Variants in NUMBL observed in about 807,000 individuals in gnomAD.
NUMBL encodes the protein NUMB like endocytic adaptor protein, also known as numb-like protein.
NUMBL carries 20 observed loss-of-function variants against 48.9 expected under a neutral mutation model. The observed-to-expected ratio is 0.41, with a 90% CI of 0.29 to 0.59. NUMBL has a LOEUF of 0.59. Among genes scored for constraint, NUMBL ranks in the 20% least tolerant of loss-of-function variants. NUMBL has a pLI of 0.31. For missense variants in NUMBL, 660 were observed against 846.2 expected (o/e 0.78, Z 2.73); for synonymous variants, 340 against 348.7 (o/e 0.98, Z 0.28).
At chr19:40,669,113 G>A (rs567998544) in intron 9 of NUMBL, among the ~76,000 whole-genome samples, 31 of 152,170 alleles carry the variant, frequency 2.0e-4, no homozygotes, top group African/African-American at 6.7e-4. Flanking sequence ...CAATGATCCC[G>A]TATCTCTAAG....
intron 6 of NUMBL, 128 bp from the exon 7 acceptor site, chr19:40,677,549 G>A (rs2081883837): frequency 1.3e-6 from 1 of 749,662 alleles, no homozygotes; most frequent in Non-Finnish European, 2.1e-6. Context: ...CTGGGCCTCA[G>A]TGCTCATCTG....
Position 40,667,425 on chromosome 19 carries a change from C to G in NUMBL, c.*43G>C, listed in dbSNP as rs755084098. On this transcript the variant is annotated 3_prime_UTR_variant, in exon 10 of 10. Transcript: ENST00000252891. This position sits in a 1 kb window ranked among gnomAD's most constrained non-coding sequence, Gnocchi z 6.1. ...GAGAGGTTGTGCCTCCACCCCCAGG[C>G]GTGGGGCACCTGGAGATGATGGAGT... The G allele has an allele frequency of 6.3e-7, 1 of 1,587,900 alleles. No individual in the cohort carries two copies. Among genetic ancestry groups the G allele is most frequent in the Non-Finnish European group, 8.6e-7 (1 of 1,168,488 alleles).
At chr19:40,686,762 G>A in intron 2 of NUMBL, 149 bp downstream of exon 2, 1 of 621,180 alleles carries the variant, frequency 1.6e-6, no homozygotes, top group Non-Finnish European at 2.9e-6. Context: ...TGCATGAGTG[G>A]GGCTCTGACA....
intron 9 of NUMBL, among the ~76,000 whole-genome samples, chr19:40,669,681 G>A (rs978976572): frequency 3.3e-5 from 5 of 152,080 alleles, no homozygotes; most frequent in Admixed American, 6.5e-5. Flanking sequence ...CTGGCTCTAA[G>A]ATGATCCATG....
intron 9 of NUMBL, among the ~76,000 whole-genome samples, chr19:40,669,244 T>C (rs11083565): frequency 0.26 from 39,854 of 151,986 alleles, 5,418 homozygotes; most frequent in South Asian, 0.3. Flanking sequence ...GGTGATCCTA[T>C]GGCTCTAAGA....
chr19:40,671,933 T>A (rs964171942), intron 8 of NUMBL, among the ~76,000 whole-genome samples: 2 of 151,776 alleles, frequency 1.3e-5, no homozygotes, highest in African/African-American at 4.8e-5. Flanking sequence ...CAGGCTGGAG[T>A]GAAGTGGCGC....
At chr19:40,689,884 T>C (rs1170302728) in intron 1 of NUMBL, among the ~76,000 whole-genome samples, 1 of 151,590 alleles carries the variant, frequency 6.6e-6, no homozygotes, top group Non-Finnish European at 1.5e-5. Flanking sequence ...GGACCTTGTT[T>C]TGAGAAGTGG....
At chr19:40,675,890 C>T (rs1237600786) in intron 7 of NUMBL, among the ~76,000 whole-genome samples, 1 of 150,094 alleles carries the variant, frequency 6.7e-6, no homozygotes, top group East Asian at 1.9e-4. Context: ...GAGACAGGGT[C>T]TCACTCTGTC....
At chr19:40,680,229 TCATGTGATTCTCCCCA>T (rs1300115834) in intron 6 of NUMBL, among the ~76,000 whole-genome samples, 1 of 151,284 alleles carries the variant, frequency 6.6e-6, no homozygotes, top group Non-Finnish European at 1.5e-5. Context: ...TCTCCAGGGT[TCATGTGATTCTCCCCA>T]CATGTGATTC....
chr19:40,677,572 G>C (rs73043512), intron 6 of NUMBL, 151 bp from the exon 7 acceptor site: 25 of 673,284 alleles, frequency 3.7e-5, no homozygotes, highest in Non-Finnish European at 5.9e-5. Context: ...CCACAAGGAA[G>C]GGCTGGAAAT....
At chr19:40,668,928 T>C (rs776825135) in intron 9 of NUMBL, among the ~76,000 whole-genome samples, 2 of 152,238 alleles carry the variant, frequency 1.3e-5, no homozygotes, top group Non-Finnish European at 2.9e-5. Flanking sequence ...TCTCGAGTTC[T>C]ACATTTACAG....
Position 40,677,359 on chromosome 19 carries a change from T to C in NUMBL, c.603A>G (p.Arg201=). 1 of 1,611,948 alleles carries C rather than the reference T, an allele frequency of 6.2e-7. No individual in the cohort carries two copies. The highest frequency in any genetic ancestry group is 8.5e-7 in the Non-Finnish European group (1 of 1,179,922). Residue 201 remains arginine (R), a synonymous_variant, in exon 7 of 10, where the codon CGA becomes CGG. Transcript: ENST00000252891. ...AFAACLERKQ[R]REKECGVTAA... ...CCGTGACCCCACATTCCTTCTCCCG[T>C]CGCTGTTTTCGCTCCAGGCAGGCGG...
In NUMBL at chr19:40,687,314, C is replaced by T. The variant is rs2144668918; in HGVS notation, c.25-319G>A. The stretch of plus-strand genomic sequence containing the variant: ...ACACACATACGCAGCCAACTCATAT[C>T]TACAGGTGTCCCTAGCATCTGGCCA... On this transcript the variant is annotated intron_variant, in intron 1 of 9. Transcript: ENST00000252891. The surrounding 1 kb of genome is among the most constrained non-coding windows in gnomAD (Gnocchi z 4.6). Among the ~76,000 whole-genome samples, 1 of 152,312 alleles carries T rather than the reference C, an allele frequency of 6.6e-6. No individual in the cohort carries two copies. Among genetic ancestry groups the T allele is most frequent in the Admixed American group, 6.5e-5 (1 of 15,302 alleles).
rs192955166 is a variant in NUMBL, at chr19:40,687,780, C to T, written c.25-785G>A. Among the ~76,000 whole-genome samples, 5 of 152,352 alleles carry T rather than the reference C, an allele frequency of 3.3e-5. No homozygotes were observed. The East Asian group carries it at 9.6e-4, about 29-fold the overall frequency. ...CACGACACAATCGCAGCTATATACACTTGTTACACGTATCTCCACTGCTGC... is the reference window on the plus strand; with the variant it reads ...CACGACACAATCGCAGCTATATACATTTGTTACACGTATCTCCACTGCTGC... On this transcript the variant is annotated intron_variant, in intron 1 of 9. Coordinates refer to ENST00000252891, the MANE Select transcript of NUMBL (RefSeq NM_004756.5). The surrounding 1 kb of genome is among the most constrained non-coding windows in gnomAD (Gnocchi z 4.6).
rs1471949804 is a variant in NUMBL at position 40,690,485 on chromosome 19, C to G, written c.-2G>C. 52 of 1,298,516 alleles carry G rather than the reference C, an allele frequency of 4.0e-5. No homozygotes were observed. The highest frequency in any genetic ancestry group is 5.1e-5 in the Non-Finnish European group (52 of 1,020,742). 80.4% of individuals were successfully genotyped at this position (1,298,516 alleles called of 1,614,324 possible). On this transcript the variant is annotated 5_prime_UTR_variant, in exon 1 of 10. Transcript: ENST00000252891. ...GCTGGCCGCCGCGCTGCGGGACATC[C>G]AGGGCCCGGGCGCCCCCGCCTCCCG...
rs975255311 is a variant in NUMBL, at chr19:40,668,076, G to A, written c.1222C>T (p.Arg408Trp). Residue 408 changes from arginine (R) to tryptophan (W), a missense_variant, in exon 10 of 10, where the codon CGG becomes TGG. Around this residue, in one of 3 missense-constraint regions of NUMBL, gnomAD observed 296 missense variants for 339.7 expected, o/e 0.87. Transcript: ENST00000252891. ...PAAAFQPGHK[R>W]TPSEAERWLE... is the part of the protein sequence containing the mutation. The stretch of plus-strand genomic sequence containing the variant: ...CATCGCTCAGCCTCTGAAGGTGTCC[G>A]CTTGTGCCCAGGCTGGAAGGCAGCT... 1.9e-6 allele frequency: 3 copies of A among 1,599,838 alleles called. No homozygotes were observed. Among genetic ancestry groups the A allele is most frequent in the Non-Finnish European group, 1.7e-6 (2 of 1,173,916 alleles).
At chr19:40,674,625 G>A (rs1172071963) in intron 7 of NUMBL, among the ~76,000 whole-genome samples, 1 of 152,130 alleles carries the variant, frequency 6.6e-6, no homozygotes, top group Non-Finnish European at 1.5e-5. Flanking sequence ...GACACAATGG[G>A]GCACCCATGC....
chr19:40,684,338 G>A, intron 3 of NUMBL, 79 bp downstream of exon 3: 1 of 1,453,438 alleles, frequency 6.9e-7, no homozygotes, highest in Non-Finnish European at 9.2e-7. Context: ...TGGTGTCCCA[G>A]CCAGGCCGCG....
Position 40,673,635 on chromosome 19 carries a change from C to T in NUMBL, c.745G>A (p.Ala249Thr). ...PDKKKAEAAA[A>T]PTVAPGPAQP... Reference sequence around the variant, plus strand: ...GCAGGGCCAGGAGCCACAGTGGGGGCAGCTGCTGCCTCTGCTGGAGACATG... The same window carrying T: ...GCAGGGCCAGGAGCCACAGTGGGGGTAGCTGCTGCCTCTGCTGGAGACATG... The change falls in exon 8 of 10, where the codon GCC becomes ACC. Residue 249 changes from alanine to threonine, a missense_variant. Transcript: ENST00000252891. This position sits in a 1 kb window ranked among gnomAD's most constrained non-coding sequence, Gnocchi z 5.9. The T allele has an allele frequency of 6.7e-7, 1 of 1,491,458 alleles. No homozygotes were observed. The highest frequency in any genetic ancestry group is 9.0e-7 in the Non-Finnish European group (1 of 1,116,326). 92.4% of individuals were successfully genotyped at this position (1,491,458 alleles called of 1,614,324 possible).
Sources: gnomAD v4.1 joint callset for allele counts (sites outside exome capture counted in the v4.1 genomes callset) on GRCh38, gnomAD v4.1.1 for gene constraint, gnomAD v4.1.1 regional missense constraint, Gnocchi (gnomAD v3.1) non-coding constraint, MANE v1.5 for transcripts, NCBI Gene and HGNC (gene_info 2026-07-23, HGNC 2026-07-21) for gene names.